Variants in SLC24A4 observed in about 807,000 individuals in gnomAD.
SLC24A4 encodes solute carrier family 24 member 4.
In SLC24A4, 53 loss-of-function variants were observed where a neutral mutation model predicts 79.0. The observed-to-expected ratio is 0.67, with a 90% CI of 0.54 to 0.84. SLC24A4 has a LOEUF of 0.84. SLC24A4 is among the 40% of genes least tolerant of loss of function. The pLI, the probability that SLC24A4 is intolerant of heterozygous loss-of-function variation, is 0.00. For synonymous variants in SLC24A4, 323 were observed against 323.8 expected, an observed-to-expected ratio of 1.00 and a Z score of 0.03; for missense variants, 731 against 822.0, an observed-to-expected ratio of 0.89 and a Z score of 1.35.
At position 92,348,983 on chromosome 14, in the gene SLC24A4, C is replaced by A. The variant is rs1041660564; in HGVS notation, c.241+23005C>A. Among the ~76,000 whole-genome samples the A allele has an allele frequency of 3.3e-5, 5 of 151,926 alleles. No homozygotes were observed. The East Asian group carries it at 5.8e-4, about 18-fold the overall frequency. ...CTTGTAATCTGGAGTTACCAGCTCG[C>A]AGGGAGGCACCAAGTCACGCTGCAG... On this transcript the variant is annotated intron_variant, in intron 2 of 16. Transcript: ENST00000532405.
At chr14:92,446,459 T>A (rs1892802004) in intron 8 of SLC24A4, among the ~76,000 whole-genome samples, 2 of 151,940 alleles carry the variant, frequency 1.3e-5, no homozygotes. Context: ...GGAAAGAGAG[T>A]CAGACAATCA....
intron 2 of SLC24A4, among the ~76,000 whole-genome samples, chr14:92,366,100 G>A (rs1887821862): frequency 6.6e-6 from 1 of 152,194 alleles, no homozygotes; most frequent in Non-Finnish European, 1.5e-5. Flanking sequence ...AGAAAATTGT[G>A]GTGCCGGGAA....
At chr14:92,419,644 G>T (rs61977273) in intron 2 of SLC24A4, among the ~76,000 whole-genome samples, 10,940 of 152,252 alleles carry the variant, frequency 0.072, 453 homozygotes, top group East Asian at 0.095. Context: ...CTATTCATTA[G>T]ACTGGACAGC....
chr14:92,439,224 G>T (rs141287141), intron 3 of SLC24A4, 111 bp from the exon 4 acceptor site: 10 of 831,172 alleles, frequency 1.2e-5, no homozygotes, highest in Middle Eastern at 5.0e-4. Flanking sequence ...TGTGTGCCCC[G>T]CTCTGTCCGC....
At chr14:92,471,689 T>G (rs1176867649) in intron 12 of SLC24A4, among the ~76,000 whole-genome samples, 1 of 152,166 alleles carries the variant, frequency 6.6e-6, no homozygotes, top group East Asian at 1.9e-4. Context: ...ATGGAATACA[T>G]GATTAGCCAA....
At chr14:92,484,099 A>G (rs1427877030) in intron 13 of SLC24A4, 1 of 985,258 alleles carries the variant, frequency 1.0e-6, no homozygotes. Flanking sequence ...CATTGGGAGA[A>G]TGAAAAGAGA....
intron 12 of SLC24A4, among the ~76,000 whole-genome samples, chr14:92,476,741 A>G (rs1894786767): frequency 6.6e-6 from 1 of 152,146 alleles, no homozygotes; most frequent in African/African-American, 2.4e-5. Flanking sequence ...GCAACCACTA[A>G]TCTACTTTCC....
At chr14:92,336,005 G>T (rs1199734751) in intron 2 of SLC24A4, among the ~76,000 whole-genome samples, 1 of 151,986 alleles carries the variant, frequency 6.6e-6, no homozygotes, top group Non-Finnish European at 1.5e-5. Context: ...AAGTTTTTTT[G>T]GCCTCATCCA....
intron 8 of SLC24A4, 69 bp from the exon 9 acceptor site, chr14:92,447,302 C>A (rs1216586073): frequency 7.0e-7 from 1 of 1,425,866 alleles, no homozygotes; most frequent in Non-Finnish European, 9.9e-7. Context: ...CACTTCTGGA[C>A]CCCTCATTCC....
In SLC24A4 at chr14:92,482,674, C is replaced by T. The variant is rs1279787280; in HGVS notation, c.1256-6C>T. On this transcript the variant is annotated splice_region_variant and splice_polypyrimidine_tract_variant and intron_variant, in intron 12 of 16. Coordinates refer to ENST00000532405, the MANE Select transcript of SLC24A4 (RefSeq NM_153646.4). The stretch of plus-strand genomic sequence containing the variant: ...TCCTTTCTCACTCTGCCCCTTCACC[C>T]TGCAGAGGCCAGAGGGGACAAGGTC... 6.2e-7 allele frequency: 1 copy of T among 1,608,298 alleles called. No homozygotes were observed. The highest frequency in any genetic ancestry group is 8.5e-7 in the Non-Finnish European group (1 of 1,176,800).
At chr14:92,480,053 C>A (rs189955583) in intron 12 of SLC24A4, among the ~76,000 whole-genome samples, 8 of 151,694 alleles carry the variant, frequency 5.3e-5, no homozygotes, top group African/African-American at 1.9e-4. Flanking sequence ...TTTGAATCTT[C>A]TCTCTTTTTT....
intron 2 of SLC24A4, among the ~76,000 whole-genome samples, chr14:92,365,551 G>A (rs1042887186): frequency 2.6e-5 from 4 of 152,210 alleles, no homozygotes; most frequent in Admixed American, 6.5e-5. Flanking sequence ...GGTCTGTGCC[G>A]CCTTCCCTCA....
Position 92,482,832 on chromosome 14 carries a change from A to T in SLC24A4, c.1408A>T (p.Ile470Phe). 6.2e-7 allele frequency: 1 copy of T among 1,612,180 alleles called. No homozygotes were observed. Among genetic ancestry groups the T allele is most frequent in the Non-Finnish European group, 8.5e-7 (1 of 1,178,814 alleles). Residue 470 changes from isoleucine to phenylalanine, a missense_variant, in exon 13 of 17, where the codon ATC becomes TTC. Ile to Phe is a conservative substitution (Grantham distance 21). Coordinates refer to ENST00000532405, the MANE Select transcript of SLC24A4 (RefSeq NM_153646.4). ...GCTGTGGATCGCTGTGTTCTCCTAC[A>T]TCATGGTGTGGCTGGTGAGTGGGGG... ...ATLWIAVFSY[I>F]MVWLVTIIGY...
chr14:92,435,898 G>A (rs931511427), intron 3 of SLC24A4, among the ~76,000 whole-genome samples: 1 of 152,150 alleles, frequency 6.6e-6, no homozygotes, highest in Non-Finnish European at 1.5e-5. Context: ...TGGTCCCACA[G>A]TTCTGTGGTC....
intron 2 of SLC24A4, among the ~76,000 whole-genome samples, chr14:92,428,022 G>A (rs939070025): frequency 2.0e-5 from 3 of 152,330 alleles, no homozygotes; most frequent in South Asian, 4.1e-4. Flanking sequence ...CAGTGCCTTC[G>A]TCTTGGACCC....
At chr14:92,456,005 G>T (rs1478248894) in intron 11 of SLC24A4, among the ~76,000 whole-genome samples, 1 of 152,182 alleles carries the variant, frequency 6.6e-6, no homozygotes, top group Non-Finnish European at 1.5e-5. Context: ...CCGGCAGTGA[G>T]TGTACATTTT....
chr14:92,485,572 C>G (rs1895304968), intron 13 of SLC24A4, among the ~76,000 whole-genome samples: 1 of 151,532 alleles, frequency 6.6e-6, no homozygotes. Flanking sequence ...TTTAATTTTT[C>G]TGAATAAAAT....
In SLC24A4 at chr14:92,499,842, C is replaced by CTT. The variant is rs57018621; in HGVS notation, c.*6228_*6229dup. On this transcript the variant is annotated 3_prime_UTR_variant, in exon 17 of 17. Coordinates refer to ENST00000532405, the MANE Select transcript of SLC24A4 (RefSeq NM_153646.4). ...CCCAAGCAGTTGCTTCTTTTTTTCT[C>CTT]TTTTTTTTTTTTTTTGAGATGGAGC... is the stretch of plus-strand genomic sequence containing the variant. The CTT allele has an allele frequency of 2.5e-4, 27 of 107,694 alleles. No individual in the cohort carries two copies. The highest frequency in any genetic ancestry group is 2.1e-4 in the Non-Finnish European group (11 of 51,174). 6.7% of individuals were successfully genotyped at this position (107,694 alleles called of 1,614,324 possible). A position where few individuals can be genotyped will look rare whatever the true frequency, so the allele number is the denominator to read the frequency against.
At chr14:92,338,701 AC>A (rs1326413206) in intron 2 of SLC24A4, among the ~76,000 whole-genome samples, 2 of 152,188 alleles carry the variant, frequency 1.3e-5, no homozygotes, top group Non-Finnish European at 2.9e-5. Flanking sequence ...ATATCTGTTT[AC>A]TAAAATAAAT....
Sources: gnomAD v4.1 joint callset for allele counts (sites outside exome capture counted in the v4.1 genomes callset) on GRCh38, gnomAD v4.1.1 for gene constraint, MANE v1.5 for transcripts, NCBI Gene and HGNC (gene_info 2026-07-23, HGNC 2026-07-21) for gene names.